The following NFYC variants were observed in gnomAD, a reference collection of about 807,000 sequenced individuals.
NFYC encodes CAAT box DNA-binding protein subunit C.
In NFYC, 25 loss-of-function variants were observed where a neutral mutation model predicts 53.1. The ratio of observed to expected loss-of-function variants is 0.47; its 90% CI spans 0.34 to 0.66. The LOEUF is 0.66. Among genes scored for constraint, NFYC ranks in the 30% least tolerant of loss-of-function variants. The pLI, the probability that NFYC is intolerant of heterozygous loss-of-function variation, is 0.01. For missense variants in NFYC, 260 were observed against 422.7 expected, an observed-to-expected ratio of 0.62 and a Z score of 3.38; for synonymous variants, 145 against 152.6, an observed-to-expected ratio of 0.95 and a Z score of 0.37.
intron 1 of NFYC, among the ~76,000 whole-genome samples, chr1:40,717,753 A>G (rs1398898905): frequency 2.0e-5 from 3 of 152,194 alleles, no homozygotes; most frequent in Admixed American, 2.0e-4. Flanking sequence ...TTTGGGCATA[A>G]TCTTACTGAT....
At chr1:40,723,615 C>G (rs959614808) in intron 1 of NFYC, 1 of 152,164 alleles carries the variant, frequency 6.6e-6, no homozygotes, top group African/African-American at 2.4e-5. Context: ...AATAAAACAC[C>G]TAACAGTGCT....
chr1:40,735,547 G>C (rs1232881920), intron 1 of NFYC: 1 of 960,878 alleles, frequency 1.0e-6, no homozygotes, highest in African/African-American at 1.8e-5. Context: ...GTAATGTTTT[G>C]GGGGGATATC....
At chr1:40,702,865 G>A (rs1027924443) in intron 1 of NFYC, among the ~76,000 whole-genome samples, 1 of 151,962 alleles carries the variant, frequency 6.6e-6, no homozygotes, top group South Asian at 2.1e-4. Context: ...TGCCCAGGCC[G>A]GAGTGCAGTG....
intron 2 of NFYC, among the ~76,000 whole-genome samples, chr1:40,740,859 A>C (rs531067765): frequency 4.6e-5 from 7 of 152,100 alleles, no homozygotes; most frequent in Non-Finnish European, 8.8e-5. Context: ...GGATCAGGCA[A>C]GTGGCCAGAT....
chr1:40,730,677 C>T (rs1644729528), intron 1 of NFYC: 1 of 869,610 alleles, frequency 1.1e-6, no homozygotes. Flanking sequence ...TGGTTGGGAA[C>T]TCAACCCAAA....
chr1:40,692,992 A>G (rs1438249965), intron 1 of NFYC, among the ~76,000 whole-genome samples: 1 of 152,222 alleles, frequency 6.6e-6, no homozygotes, highest in Non-Finnish European at 1.5e-5. Context: ...ACATTAGCAA[A>G]TATTAGGTAG....
At chr1:40,729,974 CCCCA>C (rs1310370109) in intron 1 of NFYC, among the ~76,000 whole-genome samples, 1 of 152,102 alleles carries the variant, frequency 6.6e-6, no homozygotes, top group Non-Finnish European at 1.5e-5. Flanking sequence ...CCGCGCCCAG[CCCCA>C]TATCAGCTTT....
At chr1:40,725,477 A>G (rs547218828) in intron 1 of NFYC, among the ~76,000 whole-genome samples, 1 of 152,274 alleles carries the variant, frequency 6.6e-6, no homozygotes, top group East Asian at 1.9e-4. Context: ...TCAATTTTAG[A>G]TTGGTTTTAT....
chr1:40,693,187 A>T (rs1023877729), intron 1 of NFYC, among the ~76,000 whole-genome samples: 1 of 152,228 alleles, frequency 6.6e-6, no homozygotes, highest in South Asian at 2.1e-4. Context: ...AAAAAAGCCC[A>T]TGCATAGCTT....
At chr1:40,693,322 C>T (rs1642944051) in intron 1 of NFYC, among the ~76,000 whole-genome samples, 1 of 152,024 alleles carries the variant, frequency 6.6e-6, no homozygotes, top group South Asian at 2.1e-4. Context: ...ATCGTAGTTA[C>T]TTGTATTGCT....
intron 8 of NFYC, chr1:40,766,909 G>C (rs1570750784): frequency 6.4e-7 from 1 of 1,551,992 alleles, no homozygotes; most frequent in Non-Finnish European, 8.7e-7. Flanking sequence ...TTACCATCTT[G>C]TTCTCAAGGG....
At chr1:40,754,924 G>GTA (rs1376368976) in intron 5 of NFYC, among the ~76,000 whole-genome samples, 1 of 152,164 alleles carries the variant, frequency 6.6e-6, no homozygotes, top group Non-Finnish European at 1.5e-5. Flanking sequence ...TTAGTTCTTT[G>GTA]TAGGTGTTCG....
chr1:40,723,272 C>G (rs1431611993), intron 1 of NFYC: 3 of 152,160 alleles, frequency 2.0e-5, no homozygotes, highest in Non-Finnish European at 4.4e-5. Context: ...CAGAAGGCAC[C>G]CGGTAAGAAA....
Position 40,726,101 on chromosome 1 carries a change from ATGTGTTTG to A in NFYC, c.-8-12729_-8-12722del, listed in dbSNP as rs1406387656. Among the ~76,000 whole-genome samples, 14 of 117,816 alleles carry A rather than the reference ATGTGTTTG, an allele frequency of 1.2e-4. No homozygotes were observed. In the Admixed American group the frequency reaches 1.3e-3, roughly 11 times the overall value. The allele number at this position is 117,816 out of a possible 152,430, so 77.3% of individuals were successfully genotyped here. A position where few individuals can be genotyped will look rare whatever the true frequency, so the allele number is the denominator to read the frequency against. ...GGGGTGGCTTTGGCAATTTCTGTGTATGTGTTTGTGTGTGTGTGTGTGTGTTTTTTTTT... is the reference window on the plus strand; with the variant it reads ...GGGGTGGCTTTGGCAATTTCTGTGTATGTGTGTGTGTGTGTGTTTTTTTTT... On this transcript the variant is annotated intron_variant, in intron 1 of 9. Coordinates refer to ENST00000447388, the MANE Select transcript of NFYC (RefSeq NM_014223.5).
rs536834922 is a variant in NFYC at position 40,746,689 on chromosome 1, T to C, written c.106-845T>C. Among the ~76,000 whole-genome samples the C allele has an allele frequency of 4.6e-5, 7 of 152,346 alleles. No individual in the cohort carries two copies. In the East Asian group the frequency reaches 1.2e-3, roughly 25 times the overall value. On this transcript the variant is annotated intron_variant, in intron 2 of 9. Transcript: ENST00000447388. ...CTCTGAAACTCAAAATTGATTTTTT[T>C]CCTAGAATTGCATCCATCATTGGGC... is the stretch of plus-strand genomic sequence containing the variant.
At position 40,769,432 on chromosome 1, in the gene NFYC, G is replaced by C; in HGVS notation, c.888+17G>C. 1.2e-6 allele frequency: 2 copies of C among 1,613,652 alleles called. No individual in the cohort carries two copies. Among genetic ancestry groups the C allele is most frequent in the South Asian group, 2.2e-5 (2 of 91,064 alleles). ...GATGGACAGGTAGGGTACCCAACCTGGGCTGGGCAGAGGGTGAGGATTTGC... is the reference window on the plus strand; with the variant it reads ...GATGGACAGGTAGGGTACCCAACCTCGGCTGGGCAGAGGGTGAGGATTTGC... On this transcript the variant is annotated intron_variant, in intron 9 of 9. Coordinates refer to ENST00000447388, the MANE Select transcript of NFYC (RefSeq NM_014223.5).
chr1:40,696,088 A>G (rs906734263), intron 1 of NFYC, among the ~76,000 whole-genome samples: 4 of 145,512 alleles, frequency 2.7e-5, no homozygotes, highest in South Asian at 4.3e-4. Context: ...CAATGGCGCG[A>G]TCTTGGCTCA....
Position 40,766,690 on chromosome 1 carries a change from C to T in NFYC, c.815C>T (p.Thr272Ile). ...CAGGGACAGATCCAGACACTTGCCA[C>T]CAATGCTCAACAGGTATGTGCCCCA... ...VVQGQIQTLA[T>I]NAQQITQTEV... is the part of the protein sequence containing the mutation. Residue 272 changes from threonine (T) to isoleucine (I), a missense_variant, in exon 8 of 10, where the codon ACC (threonine) becomes ATC (isoleucine). Physicochemically the swap from Thr to Ile is moderately conservative, Grantham distance 89. Coordinates refer to ENST00000447388, the MANE Select transcript of NFYC (RefSeq NM_014223.5). The T allele has an allele frequency of 6.2e-7, 1 of 1,613,962 alleles. No homozygotes were observed. Among genetic ancestry groups the T allele is most frequent in the Non-Finnish European group, 8.5e-7 (1 of 1,179,870 alleles).
rs141155383 is a variant in NFYC at position 40,720,273 on chromosome 1, T to G, written c.-8-18563T>G. On this transcript the variant is annotated intron_variant, in intron 1 of 9. Coordinates refer to ENST00000447388, the MANE Select transcript of NFYC (RefSeq NM_014223.5). Reference sequence around the variant, plus strand: ...TACAGCCAAGCTCATATTGACATTATTATAACGCCCTCTAGGTTTTTAATT... The same window carrying G: ...TACAGCCAAGCTCATATTGACATTAGTATAACGCCCTCTAGGTTTTTAATT... Among the ~76,000 whole-genome samples the G allele has an allele frequency of 3.4e-3, 511 of 152,326 alleles. 2 individuals are homozygous for G. The highest frequency in any genetic ancestry group is 0.012 in the African/African-American group (484 of 41,578).
Sources: gnomAD v4.1 joint callset for allele counts (sites outside exome capture counted in the v4.1 genomes callset) on GRCh38, gnomAD v4.1.1 for gene constraint, MANE v1.5 for transcripts, NCBI Gene and HGNC (gene_info 2026-07-23, HGNC 2026-07-21) for gene names.